The following AGAP1 variants were observed in gnomAD, a reference collection of about 807,000 sequenced individuals.
AGAP1 encodes ArfGAP with GTPase domain, ankyrin repeat and PH domain 1.
A neutral mutation model predicts 105.3 loss-of-function variants in AGAP1; 29 were observed. The ratio of observed to expected loss-of-function variants is 0.28; its 90% confidence interval spans 0.21 to 0.38. AGAP1 has a LOEUF of 0.38. Among genes scored for constraint, AGAP1 ranks in the 10% least tolerant of loss-of-function variants. The probability of loss-of-function intolerance (pLI) is 1.00; values close to 1 mark genes in which losing one functional copy is unlikely to be tolerated. For synonymous variants in AGAP1, 509 were observed against 485.9 expected (o/e 1.05, Z -0.63); for missense variants, 998 against 1,165.1 (o/e 0.86, Z 2.09).
Position 235,566,093 on chromosome 2 carries a change from T to C in AGAP1, c.163+71244T>C, listed in dbSNP as rs897225217. On this transcript the variant is annotated intron_variant, in intron 1 of 17. Coordinates refer to ENST00000304032, the MANE Select transcript of AGAP1 (RefSeq NM_001037131.3). This position sits in a 1 kb window ranked among gnomAD's most constrained non-coding sequence, Gnocchi z 5.2. ...TTCATTTGTCCATTCCTCGATTTAT[T>C]ATTATTATTATTATTTGAGGTGGAG... is the stretch of plus-strand genomic sequence containing the variant. Among the ~76,000 whole-genome samples, 4 of 151,966 alleles carry C rather than the reference T, an allele frequency of 2.6e-5. No homozygotes were observed. Among genetic ancestry groups the C allele is most frequent in the African/African-American group, 9.7e-5 (4 of 41,366 alleles).
At chr2:236,048,871 T>G (rs2125708611) in intron 15 of AGAP1, among the ~76,000 whole-genome samples, 188 bp from the exon 16 acceptor site, 1 of 152,368 alleles carries the variant, frequency 6.6e-6, no homozygotes. Flanking sequence ...CTGAAGCTAC[T>G]ACCAACGGCC....
chr2:235,970,499 G>A lies in AGAP1; in HGVS notation c.1645+1876G>A, dbSNP rs1421739397. On this transcript the variant is annotated intron_variant, in intron 13 of 17. Transcript: ENST00000304032. The surrounding 1 kb of genome is among the most constrained non-coding windows in gnomAD (Gnocchi z 5.4). Reference sequence around the variant, plus strand: ...AGCCTGTACCCTCCACGCCCCTAAGGTGCACACACAGGGGCGGGCGCCAGA... The same window carrying A: ...AGCCTGTACCCTCCACGCCCCTAAGATGCACACACAGGGGCGGGCGCCAGA... Among the ~76,000 whole-genome samples, 2 of 152,184 alleles carry A rather than the reference G, an allele frequency of 1.3e-5. No homozygotes were observed. Among genetic ancestry groups the A allele is most frequent in the Non-Finnish European group, 2.9e-5 (2 of 68,038 alleles).
intron 9 of AGAP1, among the ~76,000 whole-genome samples, chr2:235,870,453 C>T (rs779502599): frequency 6.6e-6 from 1 of 152,068 alleles, no homozygotes; most frequent in African/African-American, 2.4e-5. Context: ...ATGGCGAAAC[C>T]CTGTCTCTAC....
In AGAP1 at chr2:236,095,225, C is replaced by T. The variant is rs1026294850; in HGVS notation, c.2115-24967C>T. On this transcript the variant is annotated intron_variant, in intron 16 of 17. Coordinates refer to ENST00000304032, the MANE Select transcript of AGAP1 (RefSeq NM_001037131.3). The surrounding 1 kb of genome is among the most constrained non-coding windows in gnomAD (Gnocchi z 4.1). ...CAGCCTGGGAACTGTGGTGAAACCC[C>T]GTCTCTACAAAAAAGTTAAAAATTA... 4.6e-5 allele frequency among the ~76,000 whole-genome samples: 7 copies of T among 151,602 alleles called. No homozygotes were observed. The highest frequency in any genetic ancestry group is 1.0e-4 in the Non-Finnish European group (7 of 67,980).
Position 235,740,989 on chromosome 2 carries a change from G to C in AGAP1, c.337G>C (p.Val113Leu), listed in dbSNP as rs757882352. ...TGGCAGGTTCAAGAAAGAGATTGTC[G>C]TTGATGGACAGAGCTATCTGCTGCT... is the stretch of plus-strand genomic sequence containing the variant. ...EGGRFKKEIV[V>L]DGQSYLLLIR... Residue 113 changes from valine (V) to leucine (L), a missense_variant, in exon 4 of 18, where the codon GTT becomes CTT. Physicochemically the swap from Val to Leu is conservative, Grantham distance 32 (BLOSUM62 1). Around this residue, in one of 3 missense-constraint regions of AGAP1, gnomAD observed 735 missense variants for 833.4 expected, o/e 0.88. Coordinates refer to ENST00000304032, the MANE Select transcript of AGAP1 (RefSeq NM_001037131.3). The surrounding 1 kb of genome is among the most constrained non-coding windows in gnomAD (Gnocchi z 5.7). 1.2e-6 allele frequency: 2 copies of C among 1,614,204 alleles called. No individual in the cohort carries two copies. Among genetic ancestry groups the C allele is most frequent in the Non-Finnish European group, 1.7e-6 (2 of 1,180,014 alleles).
chr2:236,072,633 G>A (rs1036376077), intron 16 of AGAP1: 2 of 152,128 alleles, frequency 1.3e-5, no homozygotes, highest in Non-Finnish European at 2.9e-5. Context: ...TATTTATGTA[G>A]GTAGGTGAGT....
At chr2:235,758,057 G>A (rs1278699384) in intron 6 of AGAP1, among the ~76,000 whole-genome samples, 2 of 151,916 alleles carry the variant, frequency 1.3e-5, no homozygotes, top group Admixed American at 6.6e-5. Context: ...TCATTGTCGG[G>A]GTGGCCTGTT....
At chr2:235,547,585 C>G (rs1574822750) in intron 1 of AGAP1, among the ~76,000 whole-genome samples, 1 of 152,194 alleles carries the variant, frequency 6.6e-6, no homozygotes, top group African/African-American at 2.4e-5. Context: ...TCTCAAACTC[C>G]TGACCTCTGG....
intron 2 of AGAP1, 94 bp from the exon 3 acceptor site, chr2:235,717,463 T>C (rs1951173484): frequency 9.8e-7 from 1 of 1,023,956 alleles, no homozygotes; most frequent in African/African-American, 1.7e-5. Context: ...TATGTTTGTG[T>C]TTAGGCCTCC....
chr2:235,864,606 T>A lies in AGAP1; in HGVS notation c.1051-18739T>A, dbSNP rs1401888175. Among the ~76,000 whole-genome samples, 1 of 151,932 alleles carries A rather than the reference T, an allele frequency of 6.6e-6. No homozygotes were observed. The highest frequency in any genetic ancestry group is 1.5e-5 in the Non-Finnish European group (1 of 68,000). ...CAGCCATTAAGTGCAGATACTGTCG[T>A]CCCTGGTGTCGTCCCTGAAAATCTT... On this transcript the variant is annotated intron_variant, in intron 9 of 17. Coordinates refer to ENST00000304032, the MANE Select transcript of AGAP1 (RefSeq NM_001037131.3). This position sits in a 1 kb window ranked among gnomAD's most constrained non-coding sequence, Gnocchi z 5.0.
rs1457117726 is a variant in AGAP1, at chr2:235,622,557, C to T, written c.164-86622C>T. Among the ~76,000 whole-genome samples, 1 of 152,030 alleles carries T rather than the reference C, an allele frequency of 6.6e-6. No individual in the cohort carries two copies. The highest frequency in any genetic ancestry group is 1.5e-5 in the Non-Finnish European group (1 of 68,014). The stretch of plus-strand genomic sequence containing the variant: ...TTCCTTTAACTGAACCCCGGTGGCC[C>T]AGTTGCTCCTCTTGGTGGACTCACT... On this transcript the variant is annotated intron_variant, in intron 1 of 17. Coordinates refer to ENST00000304032, the MANE Select transcript of AGAP1 (RefSeq NM_001037131.3). This position sits in a 1 kb window ranked among gnomAD's most constrained non-coding sequence, Gnocchi z 5.0.
rs973405928 is a variant in AGAP1, at chr2:235,891,618, G to A, written c.1155+8169G>A. ...CATGTCGCAAGCACGGCCGTCGAGT[G>A]CAAGGCTGCAATTCCCTGCTGACAA... On this transcript the variant is annotated intron_variant, in intron 10 of 17. Transcript: ENST00000304032. This position sits in a 1 kb window ranked among gnomAD's most constrained non-coding sequence, Gnocchi z 4.2. Among the ~76,000 whole-genome samples, 4 of 152,194 alleles carry A rather than the reference G, an allele frequency of 2.6e-5. No individual in the cohort carries two copies. The highest frequency in any genetic ancestry group is 4.8e-5 in the African/African-American group (2 of 41,452).
At position 235,744,978 on chromosome 2, in the gene AGAP1, C is replaced by A; in HGVS notation, c.538+139C>A. 1.0e-6 allele frequency: 1 copy of A among 998,882 alleles called. No individual in the cohort carries two copies. Among genetic ancestry groups the A allele is most frequent in the Non-Finnish European group, 1.4e-6 (1 of 698,704 alleles). 61.9% of individuals were successfully genotyped at this position (998,882 alleles called of 1,614,324 possible). On this transcript the variant is annotated intron_variant, in intron 5 of 17. Coordinates refer to ENST00000304032, the MANE Select transcript of AGAP1 (RefSeq NM_001037131.3). This position sits in a 1 kb window ranked among gnomAD's most constrained non-coding sequence, Gnocchi z 5.2. ...CACTTTTTTGGGAAAAATTATGGAACTGAAATGATCACATTTCCTGATTTG... is the reference window on the plus strand; with the variant it reads ...CACTTTTTTGGGAAAAATTATGGAAATGAAATGATCACATTTCCTGATTTG...
At chr2:235,763,974 G>T (rs1559454111) in intron 6 of AGAP1, among the ~76,000 whole-genome samples, 1 of 122,430 alleles carries the variant, frequency 8.2e-6, no homozygotes, top group African/African-American at 3.3e-5. Flanking sequence ...CAGAGCACTG[G>T]TCTGAAGATC....
chr2:236,001,569 G>A lies in AGAP1; in HGVS notation c.1645+32946G>A, dbSNP rs1054011451. Among the ~76,000 whole-genome samples the A allele has an allele frequency of 6.6e-6, 1 of 152,168 alleles. No individual in the cohort carries two copies. The highest frequency in any genetic ancestry group is 2.4e-5 in the African/African-American group (1 of 41,434). Reference sequence around the variant, plus strand: ...AGACACAGACTGTGGCTTGCAAGCAGAGCTGGCAGGACTTGCTGAAAGAGT... The same window carrying A: ...AGACACAGACTGTGGCTTGCAAGCAAAGCTGGCAGGACTTGCTGAAAGAGT... On this transcript the variant is annotated intron_variant, in intron 13 of 17. Transcript: ENST00000304032. This position sits in a 1 kb window ranked among gnomAD's most constrained non-coding sequence, Gnocchi z 4.7.
chr2:235,540,483 A>G (rs1943400151), intron 1 of AGAP1, among the ~76,000 whole-genome samples: 2 of 152,180 alleles, frequency 1.3e-5, no homozygotes, highest in South Asian at 4.1e-4. Context: ...AATTGAGAGA[A>G]TTTGAAAAGA....
intron 1 of AGAP1, among the ~76,000 whole-genome samples, chr2:235,613,151 A>G (rs1946194764): frequency 6.6e-6 from 1 of 151,400 alleles, no homozygotes; most frequent in Non-Finnish European, 1.5e-5. Flanking sequence ...AGGCACCACC[A>G]TGCCCAGCTA....
At position 236,078,640 on chromosome 2, in the gene AGAP1, C is replaced by T. The variant is rs1270621327; in HGVS notation, c.2114+29359C>T. 6.6e-6 allele frequency among the ~76,000 whole-genome samples: 1 copy of T among 152,204 alleles called. No homozygotes were observed. Among genetic ancestry groups the T allele is most frequent in the Admixed American group, 6.5e-5 (1 of 15,284 alleles). ...TACCACTGAACCACCTGCTGAGCAGCGTGCTAGCATTTCTTGACTCCAGAT... is the reference window on the plus strand; with the variant it reads ...TACCACTGAACCACCTGCTGAGCAGTGTGCTAGCATTTCTTGACTCCAGAT... On this transcript the variant is annotated intron_variant, in intron 16 of 17. Coordinates refer to ENST00000304032, the MANE Select transcript of AGAP1 (RefSeq NM_001037131.3). This position sits in a 1 kb window ranked among gnomAD's most constrained non-coding sequence, Gnocchi z 5.3.
intron 16 of AGAP1, among the ~76,000 whole-genome samples, chr2:236,057,445 A>G (rs956875811): frequency 2.6e-5 from 4 of 152,160 alleles, no homozygotes; most frequent in African/African-American, 9.7e-5. Context: ...CCATGATTCT[A>G]AAGTCTTAAT....
Sources: gnomAD v4.1 joint callset for allele counts (sites outside exome capture counted in the v4.1 genomes callset) on GRCh38, gnomAD v4.1.1 for gene constraint, gnomAD v4.1.1 regional missense constraint, Gnocchi (gnomAD v3.1) non-coding constraint, MANE v1.5 for transcripts, NCBI Gene and HGNC (gene_info 2026-07-23, HGNC 2026-07-21) for gene names.